The following DNASE1 variants were observed in gnomAD, a reference collection of about 807,000 sequenced individuals.
DNASE1 encodes the protein deoxyribonuclease 1.
In DNASE1, 40 loss-of-function variants were observed where a neutral mutation model predicts 33.9. The ratio of observed to expected loss-of-function variants is 1.18; its 90% CI spans 0.92 to 1.54. DNASE1 has a LOEUF of 1.54. DNASE1 is among the 40% of genes most tolerant of loss of function. The pLI, the probability that DNASE1 is intolerant of heterozygous loss-of-function variation, is 0.00. For missense variants in DNASE1, 518 were observed against 372.6 expected (o/e 1.39, Z -3.21); for synonymous variants, 216 against 160.0 (o/e 1.35, Z -2.64).
chr16:3,626,358 A>G (rs1263348892), intron 1 of DNASE1, among the ~76,000 whole-genome samples: 1 of 152,196 alleles, frequency 6.6e-6, no homozygotes, highest in Non-Finnish European at 1.5e-5. Flanking sequence ...CTGCTAGACA[A>G]TAGCTAGTGT....
At chr16:3,614,033 C>G (rs916435950) in intron 1 of DNASE1, among the ~76,000 whole-genome samples, 3 of 151,100 alleles carry the variant, frequency 2.0e-5, no homozygotes, top group African/African-American at 7.3e-5. Context: ...CTGCCGCAGT[C>G]TCCCGAATAC....
In DNASE1 at chr16:3,615,836, T is replaced by C. The variant is rs532627785; in HGVS notation, c.-1359+3830T>C. On this transcript the variant is annotated intron_variant and NMD_transcript_variant, in intron 1 of 11. Transcript: ENST00000570769. The stretch of plus-strand genomic sequence containing the variant: ...TTTGAAAGCTTCTGGCATCTTCCAC[T>C]GAGTTCATGTTTTAAACAGTTGGGA... 3.9e-5 allele frequency among the ~76,000 whole-genome samples: 6 copies of C among 152,340 alleles called. No individual in the cohort carries two copies. The East Asian group carries it at 7.7e-4, about 20-fold the overall frequency.
At chr16:3,648,517 A>G (rs2042238771) in intron 1 of DNASE1, among the ~76,000 whole-genome samples, 1 of 151,688 alleles carries the variant, frequency 6.6e-6, no homozygotes, top group African/African-American at 2.4e-5. Flanking sequence ...AATGGTGTGA[A>G]CCCCAGAGGC....
downstream of DNASE1, chr16:3,662,922 C>T (rs773724095): frequency 1.2e-6 from 2 of 1,613,212 alleles, no homozygotes; most frequent in Non-Finnish European, 1.7e-6. Context: ...ATTTCTCATC[C>T]AGGCCATGAG....
At chr16:3,622,090 C>T (rs761537703) in intron 1 of DNASE1, among the ~76,000 whole-genome samples, 1 of 151,900 alleles carries the variant, frequency 6.6e-6, no homozygotes, top group South Asian at 2.1e-4. Context: ...CATGGTGGCG[C>T]ACCCCTGTAA....
At chr16:3,638,661 C>T (rs1452255652), upstream of DNASE1, among the ~76,000 whole-genome samples, 1 of 152,150 alleles carries the variant, frequency 6.6e-6, no homozygotes, top group African/African-American at 2.4e-5. Context: ...TATTGACTTT[C>T]TTGGATGTGT....
At chr16:3,648,086 C>G (rs949386132) in intron 1 of DNASE1, among the ~76,000 whole-genome samples, 6 of 152,008 alleles carry the variant, frequency 3.9e-5, no homozygotes, top group Non-Finnish European at 5.9e-5. Flanking sequence ...GAGAATTGCT[C>G]AAACTTGGGA....
upstream of DNASE1, chr16:3,653,432 G>A (rs1191258787): frequency 1.3e-5 from 2 of 152,182 alleles, no homozygotes; most frequent in African/African-American, 2.4e-5. Flanking sequence ...GAGTGGCGGG[G>A]TGCGGTGGCT....
At chr16:3,630,170 T>C (rs769066928) in intron 1 of DNASE1, among the ~76,000 whole-genome samples, 9 of 151,908 alleles carry the variant, frequency 5.9e-5, no homozygotes, top group Admixed American at 2.0e-4. Context: ...GTTGTTTTGT[T>C]TTTTGTTGTT....
intron 1 of DNASE1, among the ~76,000 whole-genome samples, chr16:3,616,654 T>G (rs905608093): frequency 4.4e-5 from 6 of 137,116 alleles, no homozygotes; most frequent in Non-Finnish European, 8.0e-5. Context: ...ATAAATAAAT[T>G]CATATGTAAT....
At chr16:3,639,245 A>G (rs2041962682), upstream of DNASE1, among the ~76,000 whole-genome samples, 1 of 152,144 alleles carries the variant, frequency 6.6e-6, no homozygotes. Flanking sequence ...CGTTGAGAGG[A>G]AAGGGCATTT....
intron 1 of DNASE1, among the ~76,000 whole-genome samples, chr16:3,626,021 G>T (rs1405285820): frequency 2.6e-5 from 4 of 152,110 alleles, no homozygotes; most frequent in African/African-American, 9.7e-5. Flanking sequence ...GATCACTTGA[G>T]CCTGAGAAGC....
exon 10 of DNASE1, chr16:3,663,995 G>T: frequency 2.7e-6 from 1 of 372,112 alleles, no homozygotes; most frequent in Non-Finnish European, 4.8e-6. Flanking sequence ...CCCAGGAGGC[G>T]GAAGTTGCAG....
intron 1 of DNASE1, among the ~76,000 whole-genome samples, chr16:3,647,404 G>A (rs1050733187): frequency 6.6e-6 from 1 of 151,826 alleles, no homozygotes; most frequent in Non-Finnish European, 1.5e-5. Context: ...CTCCTGAGTA[G>A]CTGGGACTAC....
In DNASE1 at chr16:3,656,632, C is replaced by T. The variant is rs780649936; in HGVS notation, c.321-6C>T. On this transcript the variant is annotated splice_region_variant and splice_polypyrimidine_tract_variant and intron_variant, in intron 4 of 8. Coordinates refer to ENST00000246949, the MANE Select transcript of DNASE1 (RefSeq NM_005223.4). ...GGTCACCTCCTCCTGCCCGGCCTTC[C>T]CGCAGGCCTGACCAGGTGTCTGCGG... 2 of 1,606,466 alleles carry T rather than the reference C, an allele frequency of 1.2e-6. No individual in the cohort carries two copies. Among genetic ancestry groups the T allele is most frequent in the Non-Finnish European group, 1.7e-6 (2 of 1,176,380 alleles).
rs764857981 is a variant in DNASE1 at position 3,656,558 on chromosome 16, C to T, written c.321-80C>T. 109 of 1,259,432 alleles carry T rather than the reference C, an allele frequency of 8.7e-5. 1 individual carries two copies. The highest frequency in any genetic ancestry group is 4.4e-5 in the African/African-American group (3 of 67,734). The allele number at this position is 1,259,432 out of a possible 1,614,324, so 78.0% of individuals were successfully genotyped here. ...TCCCCCGCCCTCCTGTCGCCTGGGA[C>T]GCGACGCCTGCCTCCTGGGAAGCAG... On this transcript the variant is annotated intron_variant, in intron 4 of 8. Coordinates refer to ENST00000246949, the MANE Select transcript of DNASE1 (RefSeq NM_005223.4).
chr16:3,656,573 CTGGGAAGCAGGAG>C (rs1567210582), intron 4 of DNASE1, 52 bp from the exon 5 acceptor site: 1 of 1,435,602 alleles, frequency 7.0e-7, no homozygotes. Context: ...CGCCTGCCTC[CTGGGAAGCAGGAG>C]TGGGGCAGCT....
Position 3,656,138 on chromosome 16 carries a change from G to C in DNASE1, c.273G>C (p.Glu91Asp). ...ACACCTATCACTACGTGGTCAGTGAGCCACTGGGACGGAACAGCTATAAGG... is the reference window on the plus strand; with the variant it reads ...ACACCTATCACTACGTGGTCAGTGACCCACTGGGACGGAACAGCTATAAGG... ...APDTYHYVVS[E>D]PLGRNSYKER... The change falls in exon 4 of 9, where the codon GAG becomes GAC. Residue 91 changes from glutamate to aspartate, a missense_variant. Transcript: ENST00000246949. 6.2e-7 allele frequency: 1 copy of C among 1,614,136 alleles called. No individual in the cohort carries two copies. The highest frequency in any genetic ancestry group is 8.5e-7 in the Non-Finnish European group (1 of 1,180,022).
At chr16:3,618,765 C>A (rs886175897) in intron 1 of DNASE1, among the ~76,000 whole-genome samples, 1 of 152,152 alleles carries the variant, frequency 6.6e-6, no homozygotes, top group African/African-American at 2.4e-5. Context: ...GTGTACACCT[C>A]ATATTCAGTC....
Sources: gnomAD v4.1 joint callset for allele counts (sites outside exome capture counted in the v4.1 genomes callset) on GRCh38, gnomAD v4.1.1 for gene constraint, MANE v1.5 for transcripts, NCBI Gene and HGNC (gene_info 2026-07-23, HGNC 2026-07-21) for gene names.